Variants in VMP1 observed in about 807,000 individuals in gnomAD.
VMP1 encodes ectopic P-granules autophagy protein 3 homolog.
In VMP1, 11 loss-of-function variants were observed where a neutral mutation model predicts 56.0. The observed-to-expected ratio is 0.20, with a 90% CI of 0.12 to 0.32. The LOEUF (loss-of-function observed/expected upper bound fraction) is 0.32. Ranked by LOEUF, VMP1 falls within the 10% of genes least tolerant of loss-of-function variation. The probability of loss-of-function intolerance (pLI) is 1.00; values close to 1 mark genes in which losing one functional copy is unlikely to be tolerated. For missense variants in VMP1, 296 were observed against 490.3 expected (o/e 0.60, Z 3.74); for synonymous variants, 149 against 165.0 (o/e 0.90, Z 0.74).
At chr17:59,782,094 A>G (rs907079943) in intron 7 of VMP1, among the ~76,000 whole-genome samples, 10 of 152,084 alleles carry the variant, frequency 6.6e-5, no homozygotes, top group African/African-American at 2.4e-4. Flanking sequence ...TTTTTAGTAG[A>G]GATGGGGTTT....
intron 5 of VMP1, among the ~76,000 whole-genome samples, chr17:59,744,123 A>AT (rs1425473144): frequency 1.3e-5 from 2 of 149,404 alleles, no homozygotes; most frequent in African/African-American, 2.5e-5. Flanking sequence ...AATCTGTTGG[A>AT]TTTTGTCCCC....
At chr17:59,792,879 T>TA (rs1378493314) in intron 7 of VMP1, among the ~76,000 whole-genome samples, 6,597 of 66,822 alleles carry the variant, frequency 0.099, 1,140 homozygotes, top group African/African-American at 0.14. Context: ...TAATAATAAT[T>TA]ATTATTATTA....
chr17:59,710,192 G>A (rs559311740), intron 1 of VMP1, among the ~76,000 whole-genome samples: 3 of 151,546 alleles, frequency 2.0e-5, no homozygotes, highest in Admixed American at 6.6e-5. Flanking sequence ...GCCAGACTCC[G>A]TCTCAAAAAA....
intron 11 of VMP1, 198 bp downstream of exon 11, chr17:59,838,595 TCTC>T: frequency 3.5e-6 from 2 of 574,308 alleles, no homozygotes; most frequent in South Asian, 2.0e-5. Flanking sequence ...CTGTACATCT[TCTC>T]CTAAAAACAA....
At chr17:59,789,151 G>A (rs1206040837) in intron 7 of VMP1, among the ~76,000 whole-genome samples, 1 of 151,196 alleles carries the variant, frequency 6.6e-6, no homozygotes, top group Admixed American at 6.6e-5. Flanking sequence ...TTAGCCTGGC[G>A]TGGTGGCACG....
At chr17:59,755,746 T>G (rs191542517) in intron 5 of VMP1, among the ~76,000 whole-genome samples, 31 of 151,446 alleles carry the variant, frequency 2.0e-4, no homozygotes, top group Non-Finnish European at 3.2e-4. Context: ...TTTTTGGTTT[T>G]TTTTTTTTTT....
At chr17:59,732,647 G>A (rs1474500302) in intron 2 of VMP1, among the ~76,000 whole-genome samples, 2 of 152,214 alleles carry the variant, frequency 1.3e-5, no homozygotes, top group Admixed American at 6.5e-5. Flanking sequence ...ATTTCACCAA[G>A]AGTTTCAGGA....
chr17:59,784,357 C>T (rs1244152347), intron 7 of VMP1, among the ~76,000 whole-genome samples: 1 of 151,960 alleles, frequency 6.6e-6, no homozygotes. Flanking sequence ...AGTTTTCTTA[C>T]CTTTCAATTT....
intron 5 of VMP1, among the ~76,000 whole-genome samples, chr17:59,745,870 G>T (rs1392732040): frequency 2.6e-5 from 4 of 152,204 alleles, no homozygotes; most frequent in Non-Finnish European, 5.9e-5. Flanking sequence ...AGAAAAAAAT[G>T]TAATTCATTA....
intron 5 of VMP1, among the ~76,000 whole-genome samples, chr17:59,759,818 A>G (rs1167313250): frequency 2.1e-5 from 3 of 144,138 alleles, no homozygotes; most frequent in South Asian, 2.2e-4. Context: ...GTCATATCTA[A>G]TTTTTCATTC....
chr17:59,842,088 G>C lies in VMP1; in HGVS notation c.*2177G>C, dbSNP rs979930819. 5.9e-4 allele frequency: 89 copies of C among 152,096 alleles called. No homozygotes were observed. Among genetic ancestry groups the C allele is most frequent in the African/African-American group, 2.0e-3 (84 of 41,478 alleles). 9.4% of individuals were successfully genotyped at this position (152,096 alleles called of 1,614,324 possible). ...TGATACCCTTCTTTTTCAGCTGTTCGTGCCTTCCTTTCTTGTATCCACCAA... is the reference window on the plus strand; with the variant it reads ...TGATACCCTTCTTTTTCAGCTGTTCCTGCCTTCCTTTCTTGTATCCACCAA... On this transcript the variant is annotated 3_prime_UTR_variant, in exon 12 of 12. Coordinates refer to ENST00000262291, the MANE Select transcript of VMP1 (RefSeq NM_030938.5).
intron 4 of VMP1, among the ~76,000 whole-genome samples, chr17:59,738,093 A>G (rs1202495286): frequency 6.6e-6 from 1 of 152,126 alleles, no homozygotes; most frequent in East Asian, 1.9e-4. Flanking sequence ...ACTTTCCTGA[A>G]GGTTTTCCGT....
intron 10 of VMP1, among the ~76,000 whole-genome samples, chr17:59,818,325 C>G (rs925847779): frequency 6.6e-6 from 1 of 152,032 alleles, no homozygotes; most frequent in Admixed American, 6.6e-5. Flanking sequence ...CAAGATCATG[C>G]CATTGCACTC....
At chr17:59,839,157 C>T (rs2144359243) in intron 11 of VMP1, 1 of 152,372 alleles carries the variant, frequency 6.6e-6, no homozygotes, top group Middle Eastern at 3.3e-3. Context: ...ACCACACCAG[C>T]TAATTTTTTG....
At chr17:59,709,954 T>G (rs1260044967) in intron 1 of VMP1, among the ~76,000 whole-genome samples, 1 of 152,106 alleles carries the variant, frequency 6.6e-6, no homozygotes, top group South Asian at 2.1e-4. Flanking sequence ...TCCCAGCACT[T>G]TGGGAGGCCG....
intron 7 of VMP1, among the ~76,000 whole-genome samples, chr17:59,792,313 T>A (rs1248663338): frequency 6.6e-6 from 1 of 152,158 alleles, no homozygotes; most frequent in African/African-American, 2.4e-5. Context: ...CAGAAAAGAA[T>A]GTCACTGTTG....
chr17:59,756,230 A>G (rs1190853320), intron 5 of VMP1, among the ~76,000 whole-genome samples: 1 of 152,228 alleles, frequency 6.6e-6, no homozygotes. Flanking sequence ...AAAATTCTGA[A>G]GAGAATTCCT....
At chr17:59,810,882 G>A (rs2038031528) in intron 8 of VMP1, among the ~76,000 whole-genome samples, 1 of 152,188 alleles carries the variant, frequency 6.6e-6, no homozygotes, top group Admixed American at 6.6e-5. Flanking sequence ...GGGATGAAGT[G>A]CTCAAAAACA....
intron 11 of VMP1, 82 bp from the exon 12 acceptor site, chr17:59,839,686 T>G: frequency 6.7e-7 from 1 of 1,498,126 alleles, no homozygotes; most frequent in Non-Finnish European, 8.9e-7. Flanking sequence ...GTTACACACT[T>G]CAAGCATTAT....
Sources: allele counts gnomAD v4.1 joint callset (sites outside exome capture counted in the v4.1 genomes callset), GRCh38; gene constraint gnomAD v4.1.1; transcripts MANE v1.5; gene names NCBI Gene and HGNC (gene_info 2026-07-23, HGNC 2026-07-21).